The following SAMSN1 variants were observed in gnomAD, a reference collection of about 807,000 sequenced individuals.
SAMSN1 encodes the protein SAM domain, SH3 domain and nuclear localization signals 1.
In SAMSN1, 31 loss-of-function variants were observed where a neutral mutation model predicts 42.0. The observed-to-expected ratio is 0.74, with a 90% CI of 0.55 to 1.00. The LOEUF is 1.00. SAMSN1 is among the 50% of genes least tolerant of loss of function. The probability of loss-of-function intolerance (pLI) is 0.00; values close to 1 mark genes in which losing one functional copy is unlikely to be tolerated. For missense variants in SAMSN1, 464 were observed against 439.4 expected (o/e 1.06, Z -0.50); for synonymous variants, 178 against 151.9 (o/e 1.17, Z -1.26).
In SAMSN1 at chr21:14,648,512, C is replaced by A. The variant is rs962871995; in HGVS notation, c.25-5379G>T. Among the ~76,000 whole-genome samples the A allele has an allele frequency of 5.1e-3, 769 of 152,266 alleles. 2 individuals are homozygous for A. Among genetic ancestry groups the A allele is most frequent in the African/African-American group, 0.016 (679 of 41,548 alleles). On this transcript the variant is annotated intron_variant, in intron 1 of 15. Transcript: ENST00000647101. ...AAAAAATGGGAGAAAATTTTCACAACCTACTCATCTGACAAAGGGCTAATA... is the reference window on the plus strand; with the variant it reads ...AAAAAATGGGAGAAAATTTTCACAAACTACTCATCTGACAAAGGGCTAATA...
chr21:14,512,275 A>G (rs1434696621), intron 4 of SAMSN1, among the ~76,000 whole-genome samples, 169 bp downstream of exon 4: 1 of 152,216 alleles, frequency 6.6e-6, no homozygotes, highest in Non-Finnish European at 1.5e-5. Flanking sequence ...CAAATATATT[A>G]TGTATTATTT....
chr21:14,500,830 G>T, intron 5 of SAMSN1, 95 bp from the exon 6 acceptor site: 8 of 931,062 alleles, frequency 8.6e-6, no homozygotes, highest in Non-Finnish European at 1.4e-5. Context: ...AGGACATTAT[G>T]CTAAAGGGGT....
chr21:14,582,016 G>A, intron 2 of SAMSN1: 1 of 944,616 alleles, frequency 1.1e-6, no homozygotes, highest in Non-Finnish European at 1.5e-6. Context: ...GACAACTCTT[G>A]CTCTGGTAAC....
intron 5 of SAMSN1, among the ~76,000 whole-genome samples, chr21:14,503,603 G>C (rs1158359681): frequency 6.6e-6 from 1 of 152,162 alleles, no homozygotes. Context: ...ATAAGAGTAA[G>C]AAGGGGGAAT....
intron 2 of SAMSN1, among the ~76,000 whole-genome samples, chr21:14,616,885 T>A (rs991833441): frequency 3.5e-4 from 53 of 152,198 alleles, no homozygotes; most frequent in African/African-American, 1.2e-3. Context: ...ATTATTCAGG[T>A]CGTTAATAGT....
At chr21:14,565,271 T>C (rs1211028169) in intron 2 of SAMSN1, among the ~76,000 whole-genome samples, 1 of 136,210 alleles carries the variant, frequency 7.3e-6, no homozygotes, top group Non-Finnish European at 1.5e-5. Flanking sequence ...ACTCCAGCCT[T>C]GGCAAGACTC....
chr21:14,614,813 G>T (rs907137458), intron 3 of SAMSN1, among the ~76,000 whole-genome samples: 1 of 151,700 alleles, frequency 6.6e-6, no homozygotes, highest in Non-Finnish European at 1.5e-5. Flanking sequence ...TCAGGAGAGT[G>T]GTAGGCCAAA....
intron 2 of SAMSN1, among the ~76,000 whole-genome samples, chr21:14,575,843 C>T (rs1354299946): frequency 5.9e-5 from 9 of 152,208 alleles, no homozygotes; most frequent in Non-Finnish European, 1.0e-4. Context: ...TCCTTACTCA[C>T]TGTCTTTTTA....
intron 1 of SAMSN1, among the ~76,000 whole-genome samples, chr21:14,583,071 G>A (rs1207663958): frequency 1.3e-5 from 2 of 152,090 alleles, no homozygotes; most frequent in Admixed American, 6.5e-5. Context: ...AGCCATATCT[G>A]TAATACCATA....
chr21:14,485,989 T>C lies in SAMSN1; in HGVS notation c.1045A>G (p.Asn349Asp). 1 of 1,613,714 alleles carries C rather than the reference T, an allele frequency of 6.2e-7. No individual in the cohort carries two copies. Residue 349 changes from asparagine to aspartate, a missense_variant, in exon 8 of 8, where the codon AAT becomes GAT. Asn to Asp is a conservative substitution (Grantham distance 23). Coordinates refer to ENST00000400566, the MANE Select transcript of SAMSN1 (RefSeq NM_022136.5). ...GCYISSGNSD[N>D]GKEDLESENL... ...TCAGACTCCAGATCCTCTTTGCCAT[T>C]ATCTGAATTTCCTGATGAGATATAG...
chr21:14,488,853 T>C (rs1986554574), intron 7 of SAMSN1, among the ~76,000 whole-genome samples: 1 of 152,200 alleles, frequency 6.6e-6, no homozygotes, highest in Non-Finnish European at 1.5e-5. Context: ...CCTACCAGGC[T>C]TGCAATAATT....
chr21:14,605,082 G>A (rs1178336825), intron 5 of SAMSN1, among the ~76,000 whole-genome samples: 1 of 152,204 alleles, frequency 6.6e-6, no homozygotes, highest in Non-Finnish European at 1.5e-5. Flanking sequence ...GATTACAAGT[G>A]CCCTTCAAAT....
At chr21:14,632,771 G>A (rs545919701) in intron 2 of SAMSN1, among the ~76,000 whole-genome samples, 18 of 152,174 alleles carry the variant, frequency 1.2e-4, no homozygotes. Flanking sequence ...TGAAGGTTCA[G>A]CTAGGGAAAG....
At chr21:14,635,473 T>C (rs1983444087) in intron 2 of SAMSN1, among the ~76,000 whole-genome samples, 1 of 152,212 alleles carries the variant, frequency 6.6e-6, no homozygotes, top group Non-Finnish European at 1.5e-5. Context: ...TGTCAAACAC[T>C]CCACTATACC....
At chr21:14,558,931 T>A (rs552483404) in intron 2 of SAMSN1, among the ~76,000 whole-genome samples, 1 of 152,338 alleles carries the variant, frequency 6.6e-6, no homozygotes, top group African/African-American at 2.4e-5. Context: ...TTCTACCGAC[T>A]CAGCTCCTGA....
intron 7 of SAMSN1, among the ~76,000 whole-genome samples, chr21:14,497,738 T>C (rs779342935): frequency 6.6e-6 from 1 of 152,144 alleles, no homozygotes; most frequent in African/African-American, 2.4e-5. Context: ...CTTGCAGAGT[T>C]TGGCAAACCC....
intron 2 of SAMSN1, among the ~76,000 whole-genome samples, chr21:14,578,974 C>T (rs1435103983): frequency 6.6e-6 from 1 of 151,980 alleles, no homozygotes; most frequent in African/African-American, 2.4e-5. Flanking sequence ...CCTTTACATT[C>T]TATAATATGA....
At chr21:14,657,163 AT>A (rs1383884311) in intron 1 of SAMSN1, among the ~76,000 whole-genome samples, 2 of 151,906 alleles carry the variant, frequency 1.3e-5, no homozygotes, top group African/African-American at 4.8e-5. Context: ...ACAAGAAGGA[AT>A]AAAAAACACC....
chr21:14,543,434 C>T (rs1004658691), intron 1 of SAMSN1, among the ~76,000 whole-genome samples: 3 of 151,880 alleles, frequency 2.0e-5, no homozygotes, highest in Admixed American at 6.6e-5. Context: ...ACATGTTTAT[C>T]GATAAGTTTT....
Sources: allele counts gnomAD v4.1 joint callset (sites outside exome capture counted in the v4.1 genomes callset), GRCh38; gene constraint gnomAD v4.1.1; transcripts MANE v1.5; gene names NCBI Gene and HGNC (gene_info 2026-07-23, HGNC 2026-07-21).